ZFPM2: variants seen among roughly 807,000 people sequenced by gnomAD.
ZFPM2 encodes zinc finger protein, FOG family member 2.
Under a neutral mutation model 98.6 loss-of-function variants are expected in ZFPM2, and 20 were observed. The observed-to-expected ratio is 0.20, with a 90% confidence interval of 0.14 to 0.29. The LOEUF is 0.29. ZFPM2 is among the 10% of genes least tolerant of loss of function. The probability of loss-of-function intolerance (pLI) is 1.00; values close to 1 mark genes in which losing one functional copy is unlikely to be tolerated. For synonymous variants in ZFPM2, 518 were observed against 502.7 expected, an observed-to-expected ratio of 1.03 and a Z score of -0.41; for missense variants, 1,310 against 1,388.6, an observed-to-expected ratio of 0.94 and a Z score of 0.90.
chr8:105,795,393 G>C (rs1813768193), intron 6 of ZFPM2, among the ~76,000 whole-genome samples: 1 of 151,426 alleles, frequency 6.6e-6, no homozygotes, highest in South Asian at 2.1e-4. Flanking sequence ...TTCTACATGA[G>C]TTCAATAATA....
At chr8:105,486,278 A>G (rs1813229003) in intron 3 of ZFPM2, among the ~76,000 whole-genome samples, 1 of 152,042 alleles carries the variant, frequency 6.6e-6, no homozygotes, top group Non-Finnish European at 1.5e-5. Context: ...TTTTCTTAAT[A>G]TATGTATTAT....
chr8:105,378,810 C>A (rs1330260117), intron 1 of ZFPM2, among the ~76,000 whole-genome samples: 2 of 151,994 alleles, frequency 1.3e-5, no homozygotes, highest in African/African-American at 2.4e-5. Flanking sequence ...CTGATATTTG[C>A]CACTACTCTA....
At chr8:105,389,678 T>A (rs976568275) in intron 1 of ZFPM2, among the ~76,000 whole-genome samples, 1 of 152,154 alleles carries the variant, frequency 6.6e-6, no homozygotes, top group African/African-American at 2.4e-5. Flanking sequence ...ATTTGTAGAG[T>A]CTGTGGTGCT....
intron 4 of ZFPM2, among the ~76,000 whole-genome samples, chr8:105,592,782 G>A (rs1815878528): frequency 6.6e-6 from 1 of 152,134 alleles, no homozygotes; most frequent in African/African-American, 2.4e-5. Flanking sequence ...CAAAAGGAGA[G>A]ATGTCTTCAG....
chr8:105,608,159 G>A (rs760392224), intron 4 of ZFPM2, among the ~76,000 whole-genome samples: 1 of 151,960 alleles, frequency 6.6e-6, no homozygotes, highest in African/African-American at 2.4e-5. Context: ...AAAGAAGGAC[G>A]GACACTGGGG....
chr8:105,720,624 G>C (rs1054039170), intron 5 of ZFPM2, among the ~76,000 whole-genome samples: 1 of 151,746 alleles, frequency 6.6e-6, no homozygotes, highest in Non-Finnish European at 1.5e-5. Context: ...CATCTCTGTC[G>C]TGCCAATCAG....
chr8:105,687,847 AAG>A (rs1219156785), intron 5 of ZFPM2, among the ~76,000 whole-genome samples: 4 of 152,094 alleles, frequency 2.6e-5, no homozygotes, highest in African/African-American at 9.7e-5. Flanking sequence ...GGAACATAAA[AAG>A]AACACATTAT....
At chr8:105,743,316 A>G (rs567740235) in intron 5 of ZFPM2, among the ~76,000 whole-genome samples, 2 of 152,036 alleles carry the variant, frequency 1.3e-5, no homozygotes, top group Non-Finnish European at 2.9e-5. Context: ...TCAGACCTGT[A>G]TGAGGATCAG....
chr8:105,658,726 G>T (rs1375335757), intron 5 of ZFPM2, among the ~76,000 whole-genome samples: 1 of 151,532 alleles, frequency 6.6e-6, no homozygotes, highest in African/African-American at 2.4e-5. Flanking sequence ...ATTTTCTACT[G>T]GTCTTGGTGT....
intron 3 of ZFPM2, among the ~76,000 whole-genome samples, chr8:105,491,403 A>T (rs1813353048): frequency 1.3e-5 from 2 of 152,304 alleles, no homozygotes; most frequent in African/African-American, 4.8e-5. Flanking sequence ...CATATTAATC[A>T]TCTTTTCAAC....
At chr8:105,555,677 G>T (rs1814972673) in intron 3 of ZFPM2, among the ~76,000 whole-genome samples, 1 of 152,070 alleles carries the variant, frequency 6.6e-6, no homozygotes, top group African/African-American at 2.4e-5. Context: ...ACCTACTAGG[G>T]AATAATTTAA....
At chr8:105,405,913 C>G (rs1203011413) in intron 1 of ZFPM2, among the ~76,000 whole-genome samples, 1 of 152,098 alleles carries the variant, frequency 6.6e-6, no homozygotes, top group Non-Finnish European at 1.5e-5. Flanking sequence ...AAAAGTGTTC[C>G]TATTTCTCCA....
intron 1 of ZFPM2, among the ~76,000 whole-genome samples, chr8:105,320,723 C>T (rs866665557): frequency 6.6e-6 from 1 of 152,056 alleles, no homozygotes; most frequent in African/African-American, 2.4e-5. Flanking sequence ...TCTCAATTAG[C>T]TACATTAATT....
intron 4 of ZFPM2, among the ~76,000 whole-genome samples, chr8:105,575,651 T>A (rs1318462051): frequency 6.6e-6 from 1 of 152,192 alleles, no homozygotes; most frequent in Non-Finnish European, 1.5e-5. Flanking sequence ...CTGTGATTAG[T>A]CAATCCAGGT....
chr8:105,698,737 A>G (rs1471938671), intron 5 of ZFPM2, among the ~76,000 whole-genome samples: 1 of 152,206 alleles, frequency 6.6e-6, no homozygotes, highest in African/African-American at 2.4e-5. Context: ...CCTGACAATA[A>G]ACATTGGTTA....
intron 2 of ZFPM2, among the ~76,000 whole-genome samples, chr8:105,440,391 A>G (rs1043238310): frequency 1.1e-4 from 17 of 152,094 alleles, no homozygotes; most frequent in African/African-American, 3.9e-4. Flanking sequence ...GAAATCAGTT[A>G]TTAAAAAGTG....
chr8:105,569,186 C>G (rs974755806), intron 4 of ZFPM2, among the ~76,000 whole-genome samples: 1 of 152,158 alleles, frequency 6.6e-6, no homozygotes, highest in African/African-American at 2.4e-5. Flanking sequence ...TGTCTATCTC[C>G]CCTGCAGACC....
chr8:105,793,028 ACT>A (rs1439643062), intron 6 of ZFPM2, among the ~76,000 whole-genome samples: 1 of 150,532 alleles, frequency 6.6e-6, no homozygotes. Context: ...ATGAGTCTTG[ACT>A]CTTTATCCAA....
At chr8:105,742,765 T>C (rs185553905) in intron 5 of ZFPM2, among the ~76,000 whole-genome samples, 42 of 152,106 alleles carry the variant, frequency 2.8e-4, no homozygotes, top group African/African-American at 1.0e-3. Flanking sequence ...GGTGGCAGGT[T>C]GCCTGTGATC....
Sources: allele counts gnomAD v4.1 joint callset (sites outside exome capture counted in the v4.1 genomes callset), GRCh38; gene constraint gnomAD v4.1.1; transcripts MANE v1.5; gene names NCBI Gene and HGNC (gene_info 2026-07-23, HGNC 2026-07-21).